The following KAT6A variants were observed in gnomAD, a reference collection of about 807,000 sequenced individuals.
The protein encoded by KAT6A is lysine acetyltransferase 6A, also known as histone acetyltransferase KAT6A.
KAT6A carries 9 observed loss-of-function variants against 198.4 expected under a neutral mutation model. The ratio of observed to expected loss-of-function variants is 0.05; its 90% CI spans 0.03 to 0.08. The LOEUF (loss-of-function observed/expected upper bound fraction) is 0.08, where lower values mean the gene tolerates loss of function less well. Ranked by LOEUF, KAT6A falls within the 10% of genes least tolerant of loss-of-function variation. The pLI is 1.00. For synonymous variants in KAT6A, 890 were observed against 883.0 expected, an observed-to-expected ratio of 1.01 and a Z score of -0.14; for missense variants, 2,077 against 2,509.9, an observed-to-expected ratio of 0.83 and a Z score of 3.69.
At chr8:41,953,323 T>G (rs1007595577) in intron 9 of KAT6A, among the ~76,000 whole-genome samples, 6 of 152,214 alleles carry the variant, frequency 3.9e-5, no homozygotes, top group Non-Finnish European at 7.3e-5. Context: ...ATCTGTACTA[T>G]AGTCTCCGGA....
intron 2 of KAT6A, among the ~76,000 whole-genome samples, chr8:42,023,071 T>C (rs1306761813): frequency 6.6e-6 from 1 of 152,214 alleles, no homozygotes; most frequent in Non-Finnish European, 1.5e-5. Flanking sequence ...CTGTACAACA[T>C]GTTACTATAC....
chr8:42,040,243 C>T (rs762668094), intron 2 of KAT6A, among the ~76,000 whole-genome samples: 8 of 152,032 alleles, frequency 5.3e-5, no homozygotes, highest in Admixed American at 2.6e-4. Flanking sequence ...CAACTCTTTA[C>T]GTTCCCTTAG....
chr8:42,013,719 T>C (rs1463167893), intron 2 of KAT6A, among the ~76,000 whole-genome samples: 1 of 152,202 alleles, frequency 6.6e-6, no homozygotes, highest in Non-Finnish European at 1.5e-5. Context: ...CTATTTTATC[T>C]AAACAGAGGG....
At chr8:41,976,537 G>C (rs150494225) in intron 7 of KAT6A, among the ~76,000 whole-genome samples, 23 of 152,242 alleles carry the variant, frequency 1.5e-4, no homozygotes, top group African/African-American at 2.2e-4. Context: ...TATTTGTCAA[G>C]ATCTGAAGTA....
chr8:42,011,137 C>T (rs921792648), intron 2 of KAT6A, among the ~76,000 whole-genome samples: 1 of 152,160 alleles, frequency 6.6e-6, no homozygotes, highest in African/African-American at 2.4e-5. Context: ...TCACTTGCAA[C>T]CCCAGACCTA....
chr8:42,049,218 C>T lies in KAT6A; in HGVS notation c.-241G>A, dbSNP rs1381508856. On this transcript the variant is annotated 5_prime_UTR_variant, in exon 2 of 17. It adds an upstream start codon to the 5' untranslated region. Coordinates refer to ENST00000265713, the MANE Select transcript of KAT6A (RefSeq NM_006766.5). The stretch of plus-strand genomic sequence containing the variant: ...CTTCCCAATGAATTTCTCAATAGCA[C>T]CACACATGGGTCTCGTCATAAAGTT... 2 of 488,702 alleles carry T rather than the reference C, an allele frequency of 4.1e-6. No homozygotes were observed. Among genetic ancestry groups the T allele is most frequent in the Admixed American group, 3.7e-5 (1 of 26,918 alleles). The allele number at this position is 488,702 out of a possible 1,614,324, so 30.3% of individuals were successfully genotyped here.
chr8:42,034,225 G>A (rs1316148410), intron 2 of KAT6A, among the ~76,000 whole-genome samples: 4 of 152,220 alleles, frequency 2.6e-5, no homozygotes, highest in Non-Finnish European at 4.4e-5. Flanking sequence ...GAACTCAAGC[G>A]TGCATCAGAA....
Position 41,940,888 on chromosome 8 carries a change from C to T in KAT6A, c.2993G>A (p.Arg998Gln), listed in dbSNP as rs754507434. The part of the protein sequence containing the change: ...SEEEEEPESP[R>Q]SSSPPILTKP... ...TGTGAGAATTGGTGGCGAGCTTGAC[C>T]GAGGGCTTTCCGGCTCCTCCTCCTC... The change falls in exon 15 of 17, where the codon CGG (arginine) becomes CAG (glutamine). Residue 998 changes from arginine to glutamine, a missense_variant. Around this residue, in one of 13 missense-constraint regions of KAT6A, gnomAD observed 301 missense variants for 272.2 expected, o/e 1.11. Transcript: ENST00000265713. 141 of 1,613,776 alleles carry T rather than the reference C, an allele frequency of 8.7e-5. No individual in the cohort carries two copies. Among genetic ancestry groups the T allele is most frequent in the Non-Finnish European group, 1.1e-4 (133 of 1,180,008 alleles).
intron 2 of KAT6A, among the ~76,000 whole-genome samples, chr8:41,991,382 T>C (rs1328232209): frequency 6.6e-6 from 1 of 152,164 alleles, no homozygotes; most frequent in Non-Finnish European, 1.5e-5. Flanking sequence ...GAAAAAAGAA[T>C]ACATCCTGTA....
chr8:42,024,807 T>TAC (rs1259270459), intron 2 of KAT6A, among the ~76,000 whole-genome samples: 1 of 152,208 alleles, frequency 6.6e-6, no homozygotes, highest in Non-Finnish European at 1.5e-5. Context: ...TGTGTATATA[T>TAC]ACATATACAT....
intron 2 of KAT6A, among the ~76,000 whole-genome samples, chr8:42,047,145 T>C (rs547387713): frequency 6.6e-6 from 1 of 152,352 alleles, no homozygotes; most frequent in South Asian, 2.1e-4. Context: ...AAGATCATTT[T>C]ACTTATGTCT....
intron 2 of KAT6A, among the ~76,000 whole-genome samples, chr8:41,993,223 G>A (rs1015594680): frequency 2.0e-5 from 3 of 152,160 alleles, no homozygotes; most frequent in South Asian, 2.1e-4. Flanking sequence ...CAGACCAACT[G>A]GCTGTGTTGT....
At chr8:42,039,639 A>T (rs1388996090) in intron 2 of KAT6A, among the ~76,000 whole-genome samples, 1 of 152,238 alleles carries the variant, frequency 6.6e-6, no homozygotes, top group African/African-American at 2.4e-5. Flanking sequence ...ACAGGCAGCA[A>T]GGGTAAAAAG....
intron 8 of KAT6A, among the ~76,000 whole-genome samples, chr8:41,967,274 AATTT>A (rs10661891): frequency 2.5e-4 from 35 of 142,844 alleles, no homozygotes; most frequent in East Asian, 8.0e-4. Context: ...TAAAAAAAAA[AATTT>A]ATTTATTTAT....
At chr8:42,025,468 C>A (rs1826766735) in intron 2 of KAT6A, among the ~76,000 whole-genome samples, 1 of 152,164 alleles carries the variant, frequency 6.6e-6, no homozygotes, top group South Asian at 2.1e-4. Flanking sequence ...CCCTCCTCAG[C>A]CTCCCAAAGT....
chr8:41,957,112 G>A, intron 8 of KAT6A: 1 of 604,944 alleles, frequency 1.7e-6, no homozygotes, highest in Non-Finnish European at 3.3e-6. Context: ...CTTCTAGGCG[G>A]ATGCCCGATG....
intron 2 of KAT6A, among the ~76,000 whole-genome samples, chr8:41,991,366 A>G (rs1824938473): frequency 6.6e-6 from 1 of 152,252 alleles, no homozygotes; most frequent in South Asian, 2.1e-4. Context: ...CTATATTGAA[A>G]GAACAGAAAA....
chr8:41,998,594 C>A (rs1225102618), intron 2 of KAT6A, among the ~76,000 whole-genome samples: 1 of 152,094 alleles, frequency 6.6e-6, no homozygotes, highest in African/African-American at 2.4e-5. Flanking sequence ...CTATGCCTTG[C>A]ACTTAGTATA....
rs149852749 is a variant in KAT6A at position 42,004,024 on chromosome 8, T to C, written c.601-16461A>G. ...TGTAATAACAGCCCTAGCATACTAG[T>C]AGTCAGCTAGTGAAATCACCTCATA... is the stretch of plus-strand genomic sequence containing the variant. On this transcript the variant is annotated intron_variant, in intron 2 of 16. Transcript: ENST00000265713. Among the ~76,000 whole-genome samples the C allele has an allele frequency of 9.1e-4, 138 of 152,342 alleles. 1 individual carries two copies. The East Asian group carries it at 0.018, about 20-fold the overall frequency.
Sources: gnomAD v4.1 joint callset for allele counts (sites outside exome capture counted in the v4.1 genomes callset) on GRCh38, gnomAD v4.1.1 for gene constraint, gnomAD v4.1.1 regional missense constraint, MANE v1.5 for transcripts, NCBI Gene and HGNC (gene_info 2026-07-23, HGNC 2026-07-21) for gene names.